The following CCBE1 variants were observed in gnomAD, a reference collection of about 807,000 sequenced individuals.
CCBE1 encodes collagen and calcium binding EGF domains 1, also known as collagen and calcium-binding EGF domain-containing protein 1.
In CCBE1, 37 loss-of-function variants were observed where a neutral mutation model predicts 50.0. The ratio of observed to expected loss-of-function variants is 0.74; its 90% CI spans 0.57 to 0.97. The LOEUF (loss-of-function observed/expected upper bound fraction) is 0.97, where lower values mean the gene tolerates loss of function less well. Ranked by LOEUF, CCBE1 falls within the 50% of genes least tolerant of loss-of-function variation. The pLI is 0.00. For synonymous variants in CCBE1, 234 were observed against 203.7 expected, an observed-to-expected ratio of 1.15 and a Z score of -1.27; for missense variants, 538 against 523.8, an observed-to-expected ratio of 1.03 and a Z score of -0.26.
At chr18:59,522,993 C>CAAAAAAAAAAAACAAA (rs1914670222) in intron 2 of CCBE1, among the ~76,000 whole-genome samples, 1 of 89,222 alleles carries the variant, frequency 1.1e-5, no homozygotes, top group Non-Finnish European at 2.2e-5. Flanking sequence ...GACTCTGTTT[C>CAAAAAAAAAAAACAAA]AAAAAAAAAA....
chr18:59,538,957 C>T (rs9954617), intron 2 of CCBE1, among the ~76,000 whole-genome samples: 25,774 of 152,070 alleles, frequency 0.17, 2,666 homozygotes, highest in Non-Finnish European at 0.23. Context: ...ACAGGAGGAC[C>T]GCTTGAGGCC....
intron 2 of CCBE1, among the ~76,000 whole-genome samples, chr18:59,555,726 A>G (rs572918333): frequency 6.2e-4 from 95 of 152,340 alleles, no homozygotes; most frequent in Admixed American, 3.1e-3. Context: ...AAACAGACCG[A>G]TTCCATTTCA....
At chr18:59,657,493 G>A (rs143897746) in intron 2 of CCBE1, among the ~76,000 whole-genome samples, 228 of 152,320 alleles carry the variant, frequency 1.5e-3, no homozygotes, top group African/African-American at 5.2e-3. Context: ...GAGTCCCAGG[G>A]AGCTTTTAAA....
In CCBE1 at chr18:59,609,087, A is replaced by G. The variant is rs951546171; in HGVS notation, c.212+87542T>C. 2.0e-5 allele frequency among the ~76,000 whole-genome samples: 3 copies of G among 152,054 alleles called. No homozygotes were observed. The South Asian group carries it at 6.2e-4, about 32-fold the overall frequency. ...CCTCCTTCTTGAAACTTCCCCCTCT[A>G]TCTTCGAGACAGCACTTTTCTCCTT... On this transcript the variant is annotated intron_variant, in intron 2 of 10. Coordinates refer to ENST00000439986, the MANE Select transcript of CCBE1 (RefSeq NM_133459.4).
At chr18:59,532,327 G>A (rs1365169853) in intron 2 of CCBE1, among the ~76,000 whole-genome samples, 1 of 152,182 alleles carries the variant, frequency 6.6e-6, no homozygotes, top group Non-Finnish European at 1.5e-5. Flanking sequence ...TTATAGGCAT[G>A]AGCCACTGCA....
intron 2 of CCBE1, among the ~76,000 whole-genome samples, chr18:59,669,771 C>A (rs2054407141): frequency 1.3e-5 from 2 of 152,194 alleles, no homozygotes; most frequent in Admixed American, 1.3e-4. Context: ...ATGAGAAGTA[C>A]CTGAACATGG....
At chr18:59,696,773 C>CTGGGGAATCCCTGGCGCG in intron 1 of CCBE1, 64 bp from the exon 2 acceptor site, 1 of 1,551,470 alleles carries the variant, frequency 6.4e-7, no homozygotes, top group South Asian at 1.1e-5. Context: ...GCAGCGCGCG[C>CTGGGGAATCCCTGGCGCG]TGGGGAATCC....
intron 2 of CCBE1, among the ~76,000 whole-genome samples, chr18:59,591,011 G>A (rs1303198224): frequency 6.2e-5 from 2 of 32,468 alleles, no homozygotes; most frequent in Non-Finnish European, 9.8e-5. Flanking sequence ...TTGGGAGGCC[G>A]AGGCGGGTGG....
At chr18:59,454,650 C>A (rs1911094794) in intron 6 of CCBE1, among the ~76,000 whole-genome samples, 1 of 152,234 alleles carries the variant, frequency 6.6e-6, no homozygotes, top group Non-Finnish European at 1.5e-5. Context: ...CCTCTGCAAT[C>A]CCTTGCCATC....
chr18:59,563,981 G>A (rs979655280), intron 2 of CCBE1: 7 of 152,178 alleles, frequency 4.6e-5, no homozygotes, highest in African/African-American at 1.7e-4. Context: ...CATCTGGAGT[G>A]ATGAACCTAT....
intron 2 of CCBE1, among the ~76,000 whole-genome samples, chr18:59,673,632 GGA>G (rs1345487678): frequency 6.6e-6 from 1 of 152,168 alleles, no homozygotes; most frequent in African/African-American, 2.4e-5. Flanking sequence ...CCTAGTTTAT[GGA>G]GAGTTTTTTA....
intron 2 of CCBE1, among the ~76,000 whole-genome samples, chr18:59,609,291 A>T (rs905443866): frequency 2.0e-5 from 3 of 152,080 alleles, no homozygotes; most frequent in African/African-American, 7.2e-5. Context: ...CTGCTCACAA[A>T]TCTCTGTGCC....
intron 2 of CCBE1, among the ~76,000 whole-genome samples, chr18:59,588,262 G>C (rs2053206501): frequency 6.6e-6 from 1 of 152,130 alleles, no homozygotes; most frequent in Non-Finnish European, 1.5e-5. Context: ...CCACCACTTG[G>C]ATTAAGAGGT....
At chr18:59,458,194 A>T (rs74472896) in intron 5 of CCBE1, among the ~76,000 whole-genome samples, 1 of 68,900 alleles carries the variant, frequency 1.5e-5, no homozygotes. Context: ...CCATCTTCCC[A>T]TCCATTCCAT....
chr18:59,540,325 C>T (rs2914859), intron 2 of CCBE1, among the ~76,000 whole-genome samples: 93,075 of 151,992 alleles, frequency 0.61, 29,009 homozygotes, highest in African/African-American at 0.7. Flanking sequence ...GAGAAAATTA[C>T]ATATAGAAAT....
chr18:59,447,883 G>T, intron 7 of CCBE1, 100 bp downstream of exon 7: 1 of 1,569,046 alleles, frequency 6.4e-7, no homozygotes, highest in Non-Finnish European at 8.7e-7. Flanking sequence ...GTTTCTCCTC[G>T]ATGGAAGCTG....
At chr18:59,575,341 G>T (rs141354021) in intron 2 of CCBE1, among the ~76,000 whole-genome samples, 60 of 152,308 alleles carry the variant, frequency 3.9e-4, no homozygotes, top group Middle Eastern at 3.4e-3. Context: ...ACCAGGTGTG[G>T]ATCACAGGGC....
chr18:59,455,175 A>C, intron 5 of CCBE1: 1 of 639,684 alleles, frequency 1.6e-6, no homozygotes, highest in Non-Finnish European at 2.9e-6. Flanking sequence ...AGCTGGGCTC[A>C]GCTGTTCCTA....
chr18:59,446,760 C>T (rs1273008889), intron 7 of CCBE1, among the ~76,000 whole-genome samples: 3 of 152,228 alleles, frequency 2.0e-5, no homozygotes, highest in Non-Finnish European at 2.9e-5. Context: ...TCGCTCCCTT[C>T]AAGCTCCCAC....
Sources: allele counts gnomAD v4.1 joint callset (sites outside exome capture counted in the v4.1 genomes callset), GRCh38; gene constraint gnomAD v4.1.1; transcripts MANE v1.5; gene names NCBI Gene and HGNC (gene_info 2026-07-23, HGNC 2026-07-21).